The following MYLK variants were observed in gnomAD, a reference collection of about 807,000 sequenced individuals.
MYLK encodes the protein myosin light chain kinase, smooth muscle.
Under a neutral mutation model 203.4 loss-of-function variants are expected in MYLK, and 106 were observed. The observed-to-expected ratio is 0.52, with a 90% CI of 0.45 to 0.61. The LOEUF (loss-of-function observed/expected upper bound fraction) is 0.61. MYLK is among the 20% of genes least tolerant of loss of function. The pLI is 0.00. For missense variants in MYLK, 2,072 were observed against 2,442.3 expected (o/e 0.85, Z 3.20); for synonymous variants, 867 against 959.5 (o/e 0.90, Z 1.78).
chr3:123,675,271 G>A (rs2060036525), intron 20 of MYLK, among the ~76,000 whole-genome samples: 2 of 152,226 alleles, frequency 1.3e-5, no homozygotes, highest in Admixed American at 1.3e-4. Context: ...CAAAGCATTG[G>A]ATCTGGAAGC....
rs74629231 is a variant in MYLK, at chr3:123,782,558, T to C, written c.165+11119A>G. Among the ~76,000 whole-genome samples, 101 of 152,354 alleles carry C rather than the reference T, an allele frequency of 6.6e-4. 1 individual carries two copies. Among genetic ancestry groups the C allele is most frequent in the East Asian group, 6.6e-3 (34 of 5,186 alleles). ...CTGGGCTCTCCAGAAATTGTATCTA[T>C]GTGAACAAATGAACCAGACCTCAGT... On this transcript the variant is annotated intron_variant, in intron 4 of 33. Transcript: ENST00000360304.
intron 2 of MYLK, among the ~76,000 whole-genome samples, chr3:123,862,194 A>G (rs1025315798): frequency 3.9e-5 from 6 of 152,172 alleles, no homozygotes; most frequent in African/African-American, 1.2e-4. Context: ...CTGTAACTTC[A>G]TGGCCATCTG....
chr3:123,788,177 T>C (rs568869160), intron 4 of MYLK, among the ~76,000 whole-genome samples: 14 of 152,234 alleles, frequency 9.2e-5, no homozygotes, highest in African/African-American at 3.1e-4. Flanking sequence ...AGGAAACCAG[T>C]CTTCAAGCCA....
At chr3:123,843,740 C>T (rs567861381) in intron 2 of MYLK, among the ~76,000 whole-genome samples, 14 of 152,162 alleles carry the variant, frequency 9.2e-5, no homozygotes, top group Non-Finnish European at 1.9e-4. Context: ...TATTCAAATT[C>T]CCTGCCCCTC....
intron 4 of MYLK, among the ~76,000 whole-genome samples, chr3:123,758,320 C>T (rs4677902): frequency 0.98 from 149,636 of 152,288 alleles, 73,585 homozygotes; most frequent in Middle Eastern, 1. Flanking sequence ...CAGGAAGAGA[C>T]CATACCAACT....
chr3:123,861,140 C>CA (rs2031866496), intron 2 of MYLK, among the ~76,000 whole-genome samples: 2 of 134,254 alleles, frequency 1.5e-5, no homozygotes, highest in African/African-American at 5.2e-5. Flanking sequence ...AAAAAAAAAA[C>CA]AAAAAACAAA....
rs375835970 is a variant in MYLK at position 123,723,068 on chromosome 3, G to GA, written c.1652-789dup. Among the ~76,000 whole-genome samples the GA allele has an allele frequency of 5.3e-4, 79 of 149,556 alleles. 3 individuals carry two copies. Among genetic ancestry groups the GA allele is most frequent in the African/African-American group, 1.3e-3 (53 of 40,818 alleles). The stretch of plus-strand genomic sequence containing the variant: ...CTGGGATGTGACTTTTCATTTCCAG[G>GA]AAAAAAAAAATCTCATTACTGAAGA... On this transcript the variant is annotated intron_variant, in intron 12 of 33. Coordinates refer to ENST00000360304, the MANE Select transcript of MYLK (RefSeq NM_053025.4).
At chr3:123,672,983 G>T (rs776481031) in intron 20 of MYLK, among the ~76,000 whole-genome samples, 1 of 152,028 alleles carries the variant, frequency 6.6e-6, no homozygotes, top group Non-Finnish European at 1.5e-5. Context: ...AAAGGAGATG[G>T]CATCTCATAA....
intron 19 of MYLK, among the ~76,000 whole-genome samples, chr3:123,690,252 T>C (rs2060610263): frequency 6.6e-6 from 1 of 152,246 alleles, no homozygotes; most frequent in African/African-American, 2.4e-5. Flanking sequence ...GCCCACACAA[T>C]GGCTGGGCTT....
intron 4 of MYLK, among the ~76,000 whole-genome samples, chr3:123,765,218 A>G: frequency 6.6e-6 from 1 of 152,206 alleles, no homozygotes. Flanking sequence ...AATAATTGAA[A>G]GCAGGGACTT....
chr3:123,772,358 C>T (rs1385227162), intron 4 of MYLK, among the ~76,000 whole-genome samples: 1 of 151,868 alleles, frequency 6.6e-6, no homozygotes, highest in Admixed American at 6.6e-5. Flanking sequence ...TGGCCTCAAA[C>T]TAATGGGAAA....
intron 2 of MYLK, among the ~76,000 whole-genome samples, chr3:123,840,618 G>A (rs1192187462): frequency 2.0e-5 from 3 of 150,944 alleles, no homozygotes; most frequent in Non-Finnish European, 4.4e-5. Flanking sequence ...AAAAACCATG[G>A]AACAATATTC....
chr3:123,692,715 G>A lies in MYLK; in HGVS notation c.3565+20C>T, dbSNP rs746120545. On this transcript the variant is annotated intron_variant, in intron 19 of 33. Transcript: ENST00000360304. ...GGGACCCCTGTGTATGGGTGGCGGC[G>A]ATGGGTGGGCACGACCTACCATCCA... 2.3e-5 allele frequency: 36 copies of A among 1,585,634 alleles called. No homozygotes were observed. The highest frequency in any genetic ancestry group is 1.7e-4 in the Middle Eastern group (1 of 5,882).
chr3:123,683,123 G>C (rs2060328055), intron 19 of MYLK, among the ~76,000 whole-genome samples: 1 of 152,200 alleles, frequency 6.6e-6, no homozygotes, highest in African/African-American at 2.4e-5. Flanking sequence ...CAGGAACTGG[G>C]ATAAGGAGGA....
chr3:123,862,008 C>G (rs1560299170), intron 2 of MYLK, among the ~76,000 whole-genome samples: 1 of 152,224 alleles, frequency 6.6e-6, no homozygotes, highest in Non-Finnish European at 1.5e-5. Context: ...AGCACCTTCC[C>G]TGCCCACTCC....
At chr3:123,615,517 A>T (rs760642191) in intron 33 of MYLK, among the ~76,000 whole-genome samples, 21 of 152,056 alleles carry the variant, frequency 1.4e-4, no homozygotes, top group Middle Eastern at 3.4e-3. Context: ...TATTTTTAGT[A>T]GAGACAGGGT....
intron 4 of MYLK, among the ~76,000 whole-genome samples, chr3:123,779,107 A>T (rs894490375): frequency 6.6e-6 from 1 of 152,216 alleles, no homozygotes; most frequent in African/African-American, 2.4e-5. Context: ...GACTGGCGCC[A>T]GTCTGCTCCA....
At chr3:123,763,787 TG>T (rs1390125899) in intron 4 of MYLK, among the ~76,000 whole-genome samples, 1 of 152,204 alleles carries the variant, frequency 6.6e-6, no homozygotes, top group African/African-American at 2.4e-5. Flanking sequence ...TGACTTGGTG[TG>T]GGTCTTTGTT....
chr3:123,707,820 T>A lies in MYLK; in HGVS notation c.2324A>T (p.Asp775Val). 1 of 1,614,202 alleles carries A rather than the reference T, an allele frequency of 6.2e-7. No individual in the cohort carries two copies. The highest frequency in any genetic ancestry group is 2.2e-5 in the East Asian group (1 of 44,882). ...TGHFEVLQNE[D>V]VFTLVLKKVQ... ...CTTCTTTAGAACCAGGGTGAACACG[T>A]CCTCATTCTGAAGCACCTCGAAGTG... is the stretch of plus-strand genomic sequence containing the variant. The change falls in exon 16 of 34, where the codon GAC becomes GTC. Residue 775 changes from aspartate (D) to valine (V), a missense_variant. This residue lies in a region of MYLK where 865 missense variants were observed against 1,016.0 expected (regional missense o/e 0.85). Coordinates refer to ENST00000360304, the MANE Select transcript of MYLK (RefSeq NM_053025.4).
Sources: gnomAD v4.1 joint callset for allele counts (sites outside exome capture counted in the v4.1 genomes callset) on GRCh38, gnomAD v4.1.1 for gene constraint, gnomAD v4.1.1 regional missense constraint, MANE v1.5 for transcripts, NCBI Gene and HGNC (gene_info 2026-07-23, HGNC 2026-07-21) for gene names.